Variants in FBXL13 observed in about 807,000 individuals in gnomAD.
FBXL13 encodes F-box and leucine-rich repeat protein 13.
In FBXL13, 67 loss-of-function variants were observed where a neutral mutation model predicts 83.6. The ratio of observed to expected loss-of-function variants is 0.80; its 90% CI spans 0.66 to 0.98. The LOEUF is 0.98. Among genes scored for constraint, FBXL13 ranks in the 50% least tolerant of loss-of-function variants. FBXL13 has a pLI of 0.00. For missense variants in FBXL13, 822 were observed against 866.5 expected, an observed-to-expected ratio of 0.95 and a Z score of 0.64; for synonymous variants, 272 against 299.5, an observed-to-expected ratio of 0.91 and a Z score of 0.95.
intron 11 of FBXL13, among the ~76,000 whole-genome samples, chr7:102,907,495 G>A (rs1194718167): frequency 6.3e-5 from 7 of 110,284 alleles, no homozygotes; most frequent in Admixed American, 2.2e-4. Flanking sequence ...AACAGGCCCC[G>A]GTGTGTGATG....
chr7:103,014,872 C>T (rs1490801082), intron 6 of FBXL13, among the ~76,000 whole-genome samples: 13 of 137,700 alleles, frequency 9.4e-5, no homozygotes, highest in African/African-American at 3.3e-4. Context: ...TGCAGTGAGC[C>T]GAGATCACGC....
chr7:102,818,456 A>G (rs1408326054), intron 19 of FBXL13, among the ~76,000 whole-genome samples: 1 of 152,230 alleles, frequency 6.6e-6, no homozygotes, highest in African/African-American at 2.4e-5. Flanking sequence ...TACGTGGCAA[A>G]TAATAATTGT....
chr7:102,944,424 T>C (rs1461606395), intron 8 of FBXL13: 1 of 1,613,882 alleles, frequency 6.2e-7, no homozygotes, highest in Non-Finnish European at 8.5e-7. Flanking sequence ...GCAAAACGCC[T>C]GAAGAATACA....
chr7:103,061,096 C>T (rs1168370682), intron 1 of FBXL13, among the ~76,000 whole-genome samples: 1 of 151,906 alleles, frequency 6.6e-6, no homozygotes, highest in African/African-American at 2.4e-5. Flanking sequence ...CGGAAGATTA[C>T]TGAAAGAGGC....
At chr7:103,019,551 G>A (rs1212029055) in intron 6 of FBXL13, among the ~76,000 whole-genome samples, 3 of 152,076 alleles carry the variant, frequency 2.0e-5, no homozygotes, top group Non-Finnish European at 4.4e-5. Flanking sequence ...TTTTTGAAAA[G>A]ACTAACAAAA....
chr7:103,047,870 A>T (rs1282991581), intron 2 of FBXL13, among the ~76,000 whole-genome samples: 1 of 151,896 alleles, frequency 6.6e-6, no homozygotes, highest in African/African-American at 2.4e-5. Flanking sequence ...AACTTTTTGT[A>T]CCTTTAGTAG....
intron 1 of FBXL13, among the ~76,000 whole-genome samples, chr7:103,070,078 CAAAAA>C (rs76010935): frequency 3.0e-5 from 2 of 67,312 alleles, no homozygotes. Flanking sequence ...GACTCTGTCT[CAAAAA>C]AAAAAAAAAA....
intron 16 of FBXL13, chr7:102,857,706 A>C (rs1428964412): frequency 6.6e-6 from 1 of 152,180 alleles, no homozygotes. Context: ...AATAGTCAAC[A>C]AATATATGAA....
Position 102,963,404 on chromosome 7 carries a change from T to G in FBXL13, c.724+129A>C, listed in dbSNP as rs74989791. 863 of 1,044,548 alleles carry G rather than the reference T, an allele frequency of 8.3e-4. 5 individuals carry two copies. The African/African-American group carries it at 0.013, about 16-fold the overall frequency. The allele number at this position is 1,044,548 out of a possible 1,614,324, so 64.7% of individuals were successfully genotyped here. On this transcript the variant is annotated intron_variant, in intron 8 of 19. Coordinates refer to ENST00000313221, the Ensembl canonical transcript of FBXL13. ...TGCACTATATTATACACTTATTAAATGGTTATAATTGGTATCCTTATGACC... is the reference window on the plus strand; with the variant it reads ...TGCACTATATTATACACTTATTAAAGGGTTATAATTGGTATCCTTATGACC...
At chr7:102,984,538 A>C (rs1828706963) in intron 6 of FBXL13, among the ~76,000 whole-genome samples, 1 of 152,198 alleles carries the variant, frequency 6.6e-6, no homozygotes, top group Non-Finnish European at 1.5e-5. Context: ...GTCCAAAGGC[A>C]AGAGAAGATT....
rs199540401 is a variant in FBXL13 at position 102,834,032 on chromosome 7, T to TGAAGGAAGGAAG, written c.1720-1070_1720-1059dup. On this transcript the variant is annotated intron_variant, in intron 17 of 19. Coordinates refer to ENST00000313221, the Ensembl canonical transcript of FBXL13. ...TAGGAGTAGAAATTGGAAACCATGA[T>TGAAGGAAGGAAG]GAAGGAAGGAAGGAAGGAAGGAAGG... 5.2e-3 allele frequency among the ~76,000 whole-genome samples: 393 copies of TGAAGGAAGGAAG among 75,446 alleles called. 7 individuals carry two copies. The highest frequency in any genetic ancestry group is 8.8e-3 in the African/African-American group (148 of 16,742). The allele number at this position is 75,446 out of a possible 152,430, so 49.5% of individuals were successfully genotyped here. A position where few individuals can be genotyped will look rare whatever the true frequency, so the allele number is the denominator to read the frequency against.
chr7:102,827,097 G>C (rs918883503), intron 18 of FBXL13: 1 of 452,732 alleles, frequency 2.2e-6, no homozygotes, highest in Non-Finnish European at 4.5e-6. Flanking sequence ...CAAAGGAATG[G>C]AGCAGAAGTC....
chr7:102,995,458 A>G (rs553360570), intron 6 of FBXL13, among the ~76,000 whole-genome samples: 1 of 95,106 alleles, frequency 1.1e-5, no homozygotes, highest in South Asian at 4.2e-4. Flanking sequence ...TCCAGCCTGG[A>G]TGACAGCGAG....
chr7:103,002,282 G>T (rs1449554315), intron 6 of FBXL13, among the ~76,000 whole-genome samples: 1 of 152,036 alleles, frequency 6.6e-6, no homozygotes, highest in Non-Finnish European at 1.5e-5. Flanking sequence ...AAGAAACAAA[G>T]TAAAAAACTT....
At chr7:103,049,093 A>G (rs973811520) in intron 2 of FBXL13, among the ~76,000 whole-genome samples, 1 of 152,158 alleles carries the variant, frequency 6.6e-6, no homozygotes, top group Non-Finnish European at 1.5e-5. Flanking sequence ...CCTCTTTTTA[A>G]ACAACCAGTC....
intron 2 of FBXL13, among the ~76,000 whole-genome samples, chr7:103,044,331 T>A (rs1008833109): frequency 1.3e-5 from 2 of 152,196 alleles, no homozygotes; most frequent in African/African-American, 4.8e-5. Context: ...CTGTATGAAT[T>A]CTGATTTGAA....
chr7:102,978,709 AC>A (rs1003689359), intron 6 of FBXL13: 5 of 205,982 alleles, frequency 2.4e-5, no homozygotes, highest in Non-Finnish European at 5.1e-5. Flanking sequence ...CGGGGTTTGA[AC>A]TGATACAAGA....
intron 10 of FBXL13, among the ~76,000 whole-genome samples, chr7:102,916,124 C>A (rs1445020341): frequency 6.6e-6 from 1 of 152,126 alleles, no homozygotes; most frequent in Non-Finnish European, 1.5e-5. Flanking sequence ...GCTGGGATTA[C>A]AGGCACCCAC....
intron 2 of FBXL13, among the ~76,000 whole-genome samples, chr7:103,034,979 G>C (rs1322405768): frequency 6.6e-6 from 1 of 152,210 alleles, no homozygotes; most frequent in Non-Finnish European, 1.5e-5. Flanking sequence ...AAAAGTTTAA[G>C]TATTGCCACA....
Sources: allele counts gnomAD v4.1 joint callset (sites outside exome capture counted in the v4.1 genomes callset), GRCh38; gene constraint gnomAD v4.1.1; transcripts MANE v1.5; gene names NCBI Gene and HGNC (gene_info 2026-07-23, HGNC 2026-07-21).